Variants in ADAM17 observed in about 807,000 individuals in gnomAD.
ADAM17 encodes the protein ADAM metallopeptidase domain 17.
In ADAM17, 39 loss-of-function variants were observed where a neutral mutation model predicts 96.7. The observed-to-expected ratio is 0.40, with a 90% CI of 0.31 to 0.53. The LOEUF (loss-of-function observed/expected upper bound fraction) is 0.53, where lower values mean the gene tolerates loss of function less well. ADAM17 is among the 20% of genes least tolerant of loss of function. The pLI is 0.44. For synonymous variants in ADAM17, 344 were observed against 359.2 expected (o/e 0.96, Z 0.48); for missense variants, 777 against 1,013.2 (o/e 0.77, Z 3.17).
chr2:9,537,680 C>T lies in ADAM17; in HGVS notation c.231-852G>A, dbSNP rs113637587. On this transcript the variant is annotated intron_variant, in intron 2 of 18. Coordinates refer to ENST00000310823, the MANE Select transcript of ADAM17 (RefSeq NM_003183.6). The stretch of plus-strand genomic sequence containing the variant: ...CCGGGAGGCGGAGCCTGCTGTGAGC[C>T]GAGATCGCCAGCCTGGTTGACAGCG... 3.3e-4 allele frequency among the ~76,000 whole-genome samples: 50 copies of T among 151,284 alleles called. 1 individual carries two copies. Among genetic ancestry groups the T allele is most frequent in the East Asian group, 3.1e-3 (16 of 5,144 alleles).
chr2:9,512,486 TG>T (rs971184254), intron 10 of ADAM17: 1 of 152,266 alleles, frequency 6.6e-6, no homozygotes, highest in African/African-American at 2.4e-5. Context: ...GTTATAATGT[TG>T]GGGTGCTTTA....
At chr2:9,519,137 A>G (rs1441688579) in intron 8 of ADAM17, among the ~76,000 whole-genome samples, 3 of 152,022 alleles carry the variant, frequency 2.0e-5, no homozygotes, top group Non-Finnish European at 4.4e-5. Context: ...CAAACAATCC[A>G]CTGCCTCATC....
chr2:9,500,125 C>A (rs1313376161), intron 13 of ADAM17, among the ~76,000 whole-genome samples: 18 of 152,126 alleles, frequency 1.2e-4, no homozygotes, highest in African/African-American at 3.6e-4. Context: ...TTTGTTATAG[C>A]AAAAAAGTGG....
chr2:9,544,158 G>C (rs1665321284), intron 1 of ADAM17, among the ~76,000 whole-genome samples: 1 of 152,016 alleles, frequency 6.6e-6, no homozygotes, highest in African/African-American at 2.4e-5. Context: ...CTGGCTTCCA[G>C]AATGCTAGCA....
intron 6 of ADAM17, among the ~76,000 whole-genome samples, chr2:9,524,017 A>G (rs3133180): frequency 6.6e-6 from 1 of 150,700 alleles, no homozygotes; most frequent in Non-Finnish European, 1.5e-5. Context: ...AGAAGACTAC[A>G]GGCACACACC....
chr2:9,543,232 G>A lies in ADAM17; in HGVS notation c.151C>T (p.Gln51Ter). ...DYDILSLSNI[Q>*]QHSVRKRDLQ... ...TCTCTTTTTCTTACCGAATGCTGCT[G>A]GATATTAGATAAAGAGAGAATATCG... The change falls in exon 2 of 19, where the codon CAG becomes TAG. Residue 51 changes from glutamine (Q) to a stop codon, truncating the protein, a stop_gained. Transcript: ENST00000310823. LOFTEE classifies it high-confidence loss of function. The A allele has an allele frequency of 6.2e-7, 1 of 1,608,864 alleles. No individual in the cohort carries two copies. Among genetic ancestry groups the A allele is most frequent in the Non-Finnish European group, 8.5e-7 (1 of 1,177,432 alleles).
intron 11 of ADAM17, among the ~76,000 whole-genome samples, chr2:9,509,168 C>T (rs879604457): frequency 6.6e-6 from 1 of 152,198 alleles, no homozygotes; most frequent in East Asian, 1.9e-4. Flanking sequence ...AAATACTTCA[C>T]AATCTTTTGT....
intron 13 of ADAM17, among the ~76,000 whole-genome samples, chr2:9,498,114 C>G (rs1038598639): frequency 1.3e-5 from 2 of 152,232 alleles, no homozygotes; most frequent in African/African-American, 2.4e-5. Flanking sequence ...ACTGCAGCCT[C>G]AAACTCCTAG....
chr2:9,505,319 C>T lies in ADAM17; in HGVS notation c.1391G>A (p.Ser464Asn), dbSNP rs146433601. The T allele has an allele frequency of 1.4e-5, 23 of 1,614,034 alleles. No individual in the cohort carries two copies. Among genetic ancestry groups the T allele is most frequent in the East Asian group, 8.9e-5 (4 of 44,898 alleles). Residue 464 changes from serine to asparagine, a missense_variant, in exon 12 of 19, where the codon AGT becomes AAT. Ser to Asn is a conservative substitution (Grantham distance 46). Around this residue, in one of 3 missense-constraint regions of ADAM17, gnomAD observed 446 missense variants for 664.7 expected, o/e 0.67. Transcript: ENST00000310823. The part of the protein sequence containing the change: ...SKQSIYKTIE[S>N]KAQECFQERS... ...TTCTTGAAAACACTCCTGGGCCTTA[C>T]TTTCAATGGTCTTATAGATTGATTG...
At chr2:9,543,109 A>G in intron 2 of ADAM17, 44 bp downstream of exon 2, 1 of 1,515,480 alleles carries the variant, frequency 6.6e-7, no homozygotes, top group South Asian at 1.3e-5. Context: ...TGCCAAACCA[A>G]GCCCCCAGTG....
chr2:9,536,617 C>T (rs1208563817), intron 3 of ADAM17, 81 bp downstream of exon 3: 1 of 1,573,816 alleles, frequency 6.4e-7, no homozygotes, highest in Non-Finnish European at 8.6e-7. Flanking sequence ...TATCCTGCAC[C>T]AGAAAAGAAT....
intron 12 of ADAM17, among the ~76,000 whole-genome samples, chr2:9,502,598 G>A (rs1040810938): frequency 7.2e-5 from 11 of 152,106 alleles, no homozygotes; most frequent in Non-Finnish European, 1.2e-4. Flanking sequence ...TGGGCTGGGC[G>A]AGGTGGCTCA....
At chr2:9,515,598 G>C (rs1199141094) in intron 10 of ADAM17, among the ~76,000 whole-genome samples, 2 of 151,994 alleles carry the variant, frequency 1.3e-5, no homozygotes, top group Non-Finnish European at 2.9e-5. Context: ...TTAGCTGGGA[G>C]TGGCAGCGGG....
Position 9,535,930 on chromosome 2 carries a change from GA to G in ADAM17, c.362-9del, listed in dbSNP as rs769247529. ...CCCTAGAGTCAGGCTCACCTTAAGA[GA>G]AAAAAAAAATTATTATTTAAAAATA... On this transcript the variant is annotated splice_polypyrimidine_tract_variant and intron_variant, in intron 3 of 18. Coordinates refer to ENST00000310823, the MANE Select transcript of ADAM17 (RefSeq NM_003183.6). 9.2e-4 allele frequency: 1,316 copies of G among 1,435,530 alleles called. No individual in the cohort carries two copies. Among genetic ancestry groups the G allele is most frequent in the South Asian group, 2.0e-3 (139 of 68,838 alleles). The allele number at this position is 1,435,530 out of a possible 1,614,324, so 88.9% of individuals were successfully genotyped here. A position where few individuals can be genotyped will look rare whatever the true frequency, so the allele number is the denominator to read the frequency against.
intron 7 of ADAM17, chr2:9,521,524 T>G (rs1422655321): frequency 4.0e-6 from 1 of 251,128 alleles, no homozygotes; most frequent in Non-Finnish European, 7.6e-6. Context: ...CAATGAATTA[T>G]TTATAATATT....
chr2:9,492,631 T>G (rs1662252325), intron 17 of ADAM17, among the ~76,000 whole-genome samples: 1 of 152,242 alleles, frequency 6.6e-6, no homozygotes, highest in Admixed American at 6.5e-5. Context: ...CAAATCCAGT[T>G]AAACAGTCTC....
intron 8 of ADAM17, 85 bp downstream of exon 8, chr2:9,521,118 A>T: frequency 8.9e-7 from 1 of 1,118,876 alleles, no homozygotes; most frequent in South Asian, 1.3e-5. Context: ...CTTTTCTAAC[A>T]TGCTCCTTCA....
intron 5 of ADAM17, among the ~76,000 whole-genome samples, chr2:9,526,796 CTAAATAAA>C (rs555249585): frequency 6.6e-6 from 1 of 151,810 alleles, no homozygotes; most frequent in Non-Finnish European, 1.5e-5. Flanking sequence ...GACTTCATCT[CTAAATAAA>C]TAAATAAATA....
Position 9,543,270 on chromosome 2 carries a change from A to G in ADAM17, c.113T>C (p.Leu38Ser). The change falls in exon 2 of 19, where the codon TTG becomes TCG. Residue 38 changes from leucine to serine, a missense_variant. Coordinates refer to ENST00000310823, the MANE Select transcript of ADAM17 (RefSeq NM_003183.6). Reference sequence around the variant, plus strand: ...AGAGAGAATATCGTAGTCTGAGAGCAAAGAATCAAGCTTCTCTGAAATAAA... The same window carrying G: ...AGAGAGAATATCGTAGTCTGAGAGCGAAGAATCAAGCTTCTCTGAAATAAA... Reference protein sequence around the residue: ...PHQRLEKLDSLLSDYDILSLS... With the variant: ...PHQRLEKLDSSLSDYDILSLS... The G allele has an allele frequency of 6.3e-7, 1 of 1,597,194 alleles. No individual in the cohort carries two copies. Among genetic ancestry groups the G allele is most frequent in the Admixed American group, 1.8e-5 (1 of 55,636 alleles).
Sources: allele counts gnomAD v4.1 joint callset (sites outside exome capture counted in the v4.1 genomes callset), GRCh38; gene constraint gnomAD v4.1.1; regional missense constraint gnomAD v4.1.1; transcripts MANE v1.5; gene names NCBI Gene and HGNC (gene_info 2026-07-23, HGNC 2026-07-21).